XYLT1: variants seen among roughly 807,000 people sequenced by gnomAD.
XYLT1 encodes the protein xylosyltransferase 1, also known as beta-D-xylosyltransferase 1.
A neutral mutation model predicts 91.3 loss-of-function variants in XYLT1; 36 were observed. The observed-to-expected ratio is 0.39, with a 90% CI of 0.30 to 0.52. The LOEUF is 0.52. Among genes scored for constraint, XYLT1 ranks in the 20% least tolerant of loss-of-function variants. The pLI, the probability that XYLT1 is intolerant of heterozygous loss-of-function variation, is 0.68. For synonymous variants in XYLT1, 588 were observed against 532.0 expected (o/e 1.11, Z -1.45); for missense variants, 1,242 against 1,284.5 (o/e 0.97, Z 0.51).
chr16:17,372,827 T>G, intron 1 of XYLT1, among the ~76,000 whole-genome samples: 1 of 152,184 alleles, frequency 6.6e-6, no homozygotes, highest in East Asian at 1.9e-4. Flanking sequence ...TAATGACATA[T>G]ACCTACTTCC....
intron 1 of XYLT1, among the ~76,000 whole-genome samples, chr16:17,404,966 T>C (rs1017288791): frequency 1.3e-5 from 2 of 152,108 alleles, no homozygotes; most frequent in African/African-American, 4.8e-5. Flanking sequence ...GAATACAACA[T>C]ACACTTGTAA....
intron 3 of XYLT1, among the ~76,000 whole-genome samples, chr16:17,256,213 A>G (rs1199405549): frequency 1.3e-5 from 2 of 152,068 alleles, no homozygotes; most frequent in Non-Finnish European, 2.9e-5. Flanking sequence ...GCCACCTCCT[A>G]TTTGATCTAA....
intron 3 of XYLT1, among the ~76,000 whole-genome samples, chr16:17,253,743 C>T (rs2033581073): frequency 6.6e-6 from 1 of 151,994 alleles, no homozygotes; most frequent in African/African-American, 2.4e-5. Context: ...TCTGCCTCCA[C>T]CACCCCAGGC....
At chr16:17,214,637 T>C (rs1262487319) in intron 3 of XYLT1, among the ~76,000 whole-genome samples, 1 of 151,516 alleles carries the variant, frequency 6.6e-6, no homozygotes, top group Non-Finnish European at 1.5e-5. Context: ...ATTCTGGGAG[T>C]GAAAAATAGA....
intron 3 of XYLT1, among the ~76,000 whole-genome samples, chr16:17,239,775 C>T (rs557487285): frequency 6.6e-5 from 10 of 152,166 alleles, no homozygotes; most frequent in African/African-American, 2.2e-4. Flanking sequence ...CATCCATCCA[C>T]CAACCACCCA....
chr16:17,167,659 C>T (rs9922472), intron 5 of XYLT1, among the ~76,000 whole-genome samples: 9,109 of 149,020 alleles, frequency 0.061, 216 homozygotes, highest in African/African-American at 0.14. Flanking sequence ...CCTTCCATCT[C>T]GTGAATGGAT....
chr16:17,200,019 G>A (rs566715005), intron 4 of XYLT1, among the ~76,000 whole-genome samples: 33 of 151,916 alleles, frequency 2.2e-4, no homozygotes, highest in East Asian at 1.9e-3. Flanking sequence ...TCAAGAGATC[G>A]AGACCATCCT....
At chr16:17,145,237 G>A (rs1342839581) in intron 6 of XYLT1, among the ~76,000 whole-genome samples, 2 of 152,322 alleles carry the variant, frequency 1.3e-5, no homozygotes, top group East Asian at 3.9e-4. Flanking sequence ...ATCCATTTAT[G>A]ATTTTTCTGG....
intron 5 of XYLT1, among the ~76,000 whole-genome samples, chr16:17,187,091 C>G (rs940420482): frequency 6.6e-6 from 1 of 151,952 alleles, no homozygotes. Context: ...TTGGATTCTT[C>G]TAAAATGTAG....
intron 2 of XYLT1, among the ~76,000 whole-genome samples, chr16:17,265,289 GC>G (rs2033788189): frequency 6.6e-6 from 1 of 152,132 alleles, no homozygotes; most frequent in African/African-American, 2.4e-5. Flanking sequence ...AGAAGAATGA[GC>G]AGTAAACCAG....
chr16:17,185,250 C>T (rs1297171619), intron 5 of XYLT1, among the ~76,000 whole-genome samples: 1 of 152,228 alleles, frequency 6.6e-6, no homozygotes, highest in African/African-American at 2.4e-5. Flanking sequence ...AATAACAGGG[C>T]TGAGGATATG....
chr16:17,257,763 GA>G (rs948256501), intron 3 of XYLT1, among the ~76,000 whole-genome samples: 17 of 152,164 alleles, frequency 1.1e-4, no homozygotes, highest in African/African-American at 4.1e-4. Context: ...TCTCTCATCT[GA>G]AAAAAATTGG....
At position 17,307,046 on chromosome 16, in the gene XYLT1, T is replaced by C. The variant is rs139473661; in HGVS notation, c.403-47548A>G. On this transcript the variant is annotated intron_variant, in intron 2 of 11. Transcript: ENST00000261381. Reference sequence around the variant, plus strand: ...TAAATGGACCTGAGAATCTGGTAGTTATATGAGCCTGCAGTTTTGTGGGGT... The same window carrying C: ...TAAATGGACCTGAGAATCTGGTAGTCATATGAGCCTGCAGTTTTGTGGGGT... Among the ~76,000 whole-genome samples, 6 of 152,240 alleles carry C rather than the reference T, an allele frequency of 3.9e-5. No homozygotes were observed. In the East Asian group the frequency reaches 9.7e-4, roughly 25 times the overall value.
chr16:17,130,864 G>T (rs72775961), intron 9 of XYLT1, among the ~76,000 whole-genome samples: 16,886 of 119,310 alleles, frequency 0.14, 1,317 homozygotes, highest in Non-Finnish European at 0.18. Flanking sequence ...GGTCCACAAA[G>T]CCCTACCGCT....
intron 1 of XYLT1, among the ~76,000 whole-genome samples, chr16:17,446,657 G>A (rs568763871): frequency 6.6e-6 from 1 of 152,282 alleles, no homozygotes; most frequent in East Asian, 1.9e-4. Flanking sequence ...CGATTCTGCA[G>A]GTGATCAGGC....
intron 2 of XYLT1, among the ~76,000 whole-genome samples, chr16:17,350,848 G>A (rs759259196): frequency 3.5e-4 from 54 of 152,200 alleles, no homozygotes; most frequent in Non-Finnish European, 6.5e-4. Context: ...GTTAATCCCA[G>A]GAGAGGGGAA....
chr16:17,281,719 G>A (rs2034061854), intron 2 of XYLT1, among the ~76,000 whole-genome samples: 1 of 152,170 alleles, frequency 6.6e-6, no homozygotes, highest in Non-Finnish European at 1.5e-5. Context: ...AGAGATTGCA[G>A]GAGCACTGGA....
intron 2 of XYLT1, among the ~76,000 whole-genome samples, chr16:17,320,539 G>T (rs1175105840): frequency 6.7e-6 from 1 of 149,796 alleles, no homozygotes; most frequent in African/African-American, 2.5e-5. Flanking sequence ...CAGTGCAGTG[G>T]TGCGATATCG....
intron 2 of XYLT1, among the ~76,000 whole-genome samples, chr16:17,304,098 C>T (rs2034437833): frequency 6.6e-6 from 1 of 151,902 alleles, no homozygotes; most frequent in South Asian, 2.1e-4. Context: ...ATAATTTATG[C>T]TTATGTTGGA....
Sources: allele counts gnomAD v4.1 joint callset (sites outside exome capture counted in the v4.1 genomes callset), GRCh38; gene constraint gnomAD v4.1.1; transcripts MANE v1.5; gene names NCBI Gene and HGNC (gene_info 2026-07-23, HGNC 2026-07-21).